The following ZNF704 variants were observed in gnomAD, a reference collection of about 807,000 sequenced individuals.
ZNF704 encodes glucocorticoid induced gene 1.
ZNF704 carries 10 observed loss-of-function variants against 44.7 expected under a neutral mutation model. That is an observed-to-expected ratio of 0.22 (90% CI 0.14 to 0.38). ZNF704 has a LOEUF of 0.38. Among genes scored for constraint, ZNF704 ranks in the 10% least tolerant of loss-of-function variants. The probability of loss-of-function intolerance (pLI) is 1.00; values close to 1 mark genes in which losing one functional copy is unlikely to be tolerated. For missense variants in ZNF704, 390 were observed against 545.5 expected (o/e 0.71, Z 2.84); for synonymous variants, 211 against 207.6 (o/e 1.02, Z -0.14).
chr8:80,822,818 T>C (rs1176566312), intron 1 of ZNF704, among the ~76,000 whole-genome samples: 2 of 152,368 alleles, frequency 1.3e-5, no homozygotes, highest in East Asian at 1.9e-4. Context: ...CATTTTTTCA[T>C]GTGTCTGTTG....
At chr8:80,670,473 G>A (rs374615637) in intron 5 of ZNF704, 30 bp downstream of exon 5, 37 of 1,536,238 alleles carry the variant, frequency 2.4e-5, no homozygotes, top group Middle Eastern at 3.7e-4. Context: ...GCAGATGGGG[G>A]CTGCATCCCT....
chr8:80,849,309 T>C (rs965649368), intron 1 of ZNF704, among the ~76,000 whole-genome samples: 1 of 152,150 alleles, frequency 6.6e-6, no homozygotes. Context: ...TAGGATACCA[T>C]ATTATGGGTG....
chr8:80,696,322 G>C (rs920296968), intron 2 of ZNF704, among the ~76,000 whole-genome samples: 1 of 152,182 alleles, frequency 6.6e-6, no homozygotes, highest in Non-Finnish European at 1.5e-5. Context: ...AGCCATACTT[G>C]AATAGTATGG....
rs1047903357 is a variant in ZNF704, at chr8:80,636,901, G to A, written c.*4465C>T. On this transcript the variant is annotated 3_prime_UTR_variant, in exon 9 of 9. Coordinates refer to ENST00000327835, the MANE Select transcript of ZNF704 (RefSeq NM_001033723.3). ...ATGCTATTAAAGCAAAATGTACATC[G>A]TTCACGGCTTGCTTTCGCCTACGGA... is the stretch of plus-strand genomic sequence containing the variant. 2 of 152,186 alleles carry A rather than the reference G, an allele frequency of 1.3e-5. No individual in the cohort carries two copies. The highest frequency in any genetic ancestry group is 4.8e-5 in the African/African-American group (2 of 41,444). The allele number at this position is 152,186 out of a possible 1,614,324, so 9.4% of individuals were successfully genotyped here. A position where few individuals can be genotyped will look rare whatever the true frequency, so the allele number is the denominator to read the frequency against.
In ZNF704 at chr8:80,850,768, T is replaced by C. The variant is rs183270531; in HGVS notation, c.-22+23803A>G. Among the ~76,000 whole-genome samples the C allele has an allele frequency of 6.6e-5, 10 of 152,280 alleles. No individual in the cohort carries two copies. The East Asian group carries it at 1.5e-3, about 23-fold the overall frequency. On this transcript the variant is annotated intron_variant, in intron 1 of 8. Transcript: ENST00000327835. ...ACTTTTGAGCTCATTACTACAGAAC[T>C]CATAAGGCTATACTGCAAATACATG...
intron 1 of ZNF704, among the ~76,000 whole-genome samples, chr8:80,834,914 T>C (rs1412854001): frequency 1.3e-5 from 2 of 152,232 alleles, no homozygotes; most frequent in African/African-American, 2.4e-5. Flanking sequence ...GTGCCACATT[T>C]TCTTTATCCA....
At chr8:80,764,874 G>A (rs1202663773) in intron 2 of ZNF704, among the ~76,000 whole-genome samples, 1 of 152,180 alleles carries the variant, frequency 6.6e-6, no homozygotes, top group African/African-American at 2.4e-5. Flanking sequence ...AAGAAGGAAT[G>A]ATATTCAGCT....
intron 2 of ZNF704, among the ~76,000 whole-genome samples, chr8:80,708,022 T>C (rs1818923595): frequency 6.6e-6 from 1 of 152,224 alleles, no homozygotes; most frequent in Admixed American, 6.5e-5. Context: ...TTATTTCCTG[T>C]GTTCTTTTAT....
rs542988076 is a variant in ZNF704, at chr8:80,682,558, A to G, written c.558+4668T>C. Among the ~76,000 whole-genome samples the G allele has an allele frequency of 5.1e-4, 77 of 152,318 alleles. 2 individuals are homozygous for G. Among genetic ancestry groups the G allele is most frequent in the Admixed American group, 4.9e-3 (75 of 15,308 alleles). ...TCACCCAGTGCATTGCAGGGGGGCT[A>G]ATGCACACCCAATTGAGCACAGGGT... On this transcript the variant is annotated intron_variant, in intron 4 of 8. Coordinates refer to ENST00000327835, the MANE Select transcript of ZNF704 (RefSeq NM_001033723.3).
At chr8:80,878,859 G>A (rs973280898), upstream of ZNF704, among the ~76,000 whole-genome samples, 2 of 152,136 alleles carry the variant, frequency 1.3e-5, no homozygotes, top group African/African-American at 2.4e-5. Flanking sequence ...TAAAATGATA[G>A]CATTGCCTTC....
intron 7 of ZNF704, among the ~76,000 whole-genome samples, chr8:80,644,088 G>C (rs1003487191): frequency 2.0e-5 from 3 of 152,278 alleles, no homozygotes; most frequent in African/African-American, 7.2e-5. Flanking sequence ...ACTATGTGCA[G>C]GTACACTCAC....
chr8:80,673,582 T>C (rs1053871838), intron 4 of ZNF704, among the ~76,000 whole-genome samples: 14 of 152,230 alleles, frequency 9.2e-5, no homozygotes, highest in Admixed American at 7.8e-4. Flanking sequence ...CACACCATCA[T>C]ACTCTTGAGT....
chr8:80,664,985 GGCTGCTCAGCCCGTCT>G lies in ZNF704; in HGVS notation c.741_756del (p.Asp248TrpfsTer35). ...GACTGGGAAGGTGAGACCGGGGCCA[GGCTGCTCAGCCCGTCT>G]GCCACTGAGTCTGTGTTGAGCTTGA... On this transcript the variant is annotated frameshift_variant, in exon 6 of 9. Transcript: ENST00000327835. LOFTEE classifies it high-confidence loss of function. 1 of 1,614,216 alleles carries G rather than the reference GGCTGCTCAGCCCGTCT, an allele frequency of 6.2e-7. No homozygotes were observed. The highest frequency in any genetic ancestry group is 8.5e-7 in the Non-Finnish European group (1 of 1,180,028).
At chr8:80,653,640 G>A (rs542221886) in intron 7 of ZNF704, among the ~76,000 whole-genome samples, 12 of 151,366 alleles carry the variant, frequency 7.9e-5, no homozygotes, top group African/African-American at 2.2e-4. Flanking sequence ...CAAGGGATGC[G>A]AAGGACCTCT....
intron 3 of ZNF704, among the ~76,000 whole-genome samples, chr8:80,690,755 T>C (rs774610005): frequency 3.9e-5 from 6 of 152,216 alleles, no homozygotes; most frequent in African/African-American, 9.6e-5. Context: ...CCACCTGTAA[T>C]CCCAACACTT....
At chr8:80,682,687 G>A (rs1818472884) in intron 4 of ZNF704, among the ~76,000 whole-genome samples, 1 of 152,218 alleles carries the variant, frequency 6.6e-6, no homozygotes, top group East Asian at 1.9e-4. Context: ...CCACACCTAT[G>A]CTTCTCAAAT....
intron 2 of ZNF704, among the ~76,000 whole-genome samples, chr8:80,759,423 A>T (rs576357235): frequency 6.6e-6 from 1 of 152,154 alleles, no homozygotes; most frequent in Non-Finnish European, 1.5e-5. Context: ...CCTACAGTTC[A>T]TACCCTTTTT....
chr8:80,668,102 T>C (rs190827520), intron 5 of ZNF704, among the ~76,000 whole-genome samples: 1 of 152,316 alleles, frequency 6.6e-6, no homozygotes, highest in East Asian at 1.9e-4. Context: ...AAGTTTTGAG[T>C]AAAATAAAAT....
At chr8:80,771,776 T>A (rs564601619) in intron 2 of ZNF704, among the ~76,000 whole-genome samples, 1 of 152,322 alleles carries the variant, frequency 6.6e-6, no homozygotes, top group Admixed American at 6.5e-5. Context: ...CTTTGCCTCA[T>A]TTCCAATCAT....
Sources: gnomAD v4.1 joint callset for allele counts (sites outside exome capture counted in the v4.1 genomes callset) on GRCh38, gnomAD v4.1.1 for gene constraint, MANE v1.5 for transcripts, NCBI Gene and HGNC (gene_info 2026-07-23, HGNC 2026-07-21) for gene names.